The following TENM3 variants were observed in gnomAD, a reference collection of about 807,000 sequenced individuals.
TENM3 encodes the protein teneurin-3.
TENM3 carries 63 observed loss-of-function variants against 255.1 expected under a neutral mutation model. The observed-to-expected ratio is 0.25, with a 90% CI of 0.20 to 0.30. The LOEUF is 0.30. Ranked by LOEUF, TENM3 falls within the 10% of genes least tolerant of loss-of-function variation. The pLI is 1.00. For missense variants in TENM3, 2,929 were observed against 3,461.1 expected (o/e 0.85, Z 3.86); for synonymous variants, 1,306 against 1,322.3 (o/e 0.99, Z 0.27).
intron 3 of TENM3, among the ~76,000 whole-genome samples, chr4:182,441,528 C>T (rs1030566943): frequency 3.9e-5 from 6 of 152,120 alleles, no homozygotes; most frequent in Non-Finnish European, 5.9e-5. Context: ...GATGGAGTCT[C>T]GCTCTGTTGC....
At chr4:181,518,136 C>T in the TENM3 span, among the ~76,000 whole-genome samples, 1 of 152,150 alleles carries the variant, frequency 6.6e-6, no homozygotes, top group South Asian at 2.1e-4. Flanking sequence ...ATTTCTCAAG[C>T]CTCTAGGAAG....
the TENM3 span, among the ~76,000 whole-genome samples, chr4:181,850,762 A>AATTTATTT: frequency 6.6e-6 from 1 of 152,060 alleles, no homozygotes; most frequent in Admixed American, 6.6e-5. Flanking sequence ...TTGGTCTTAG[A>AATTTATTT]ATTTATTTTC....
chr4:181,482,017 T>A, the TENM3 span, among the ~76,000 whole-genome samples: 1 of 152,142 alleles, frequency 6.6e-6, no homozygotes, highest in East Asian at 1.9e-4. Flanking sequence ...ATCAGAACAA[T>A]TAGGAAGTAT....
intron 2 of TENM3, among the ~76,000 whole-genome samples, chr4:182,334,728 A>T (rs188203910): frequency 6.6e-6 from 1 of 152,350 alleles, no homozygotes; most frequent in African/African-American, 2.4e-5. Context: ...GTGCTGGCAC[A>T]ACTGGTTATC....
the TENM3 span, among the ~76,000 whole-genome samples, chr4:181,813,197 T>C: frequency 2.6e-5 from 4 of 152,168 alleles, no homozygotes; most frequent in African/African-American, 9.7e-5. Flanking sequence ...AGGGATCTCT[T>C]TGAGTTCTCT....
the TENM3 span, among the ~76,000 whole-genome samples, chr4:181,605,203 C>G: frequency 6.6e-6 from 1 of 151,644 alleles, no homozygotes; most frequent in Non-Finnish European, 1.5e-5. Flanking sequence ...TCCACCACTT[C>G]GCGAGGCCGA....
At chr4:181,626,598 C>A in the TENM3 span, among the ~76,000 whole-genome samples, 5 of 152,034 alleles carry the variant, frequency 3.3e-5, no homozygotes, top group African/African-American at 1.2e-4. Context: ...CTCTTTTAAA[C>A]AACCAGATCT....
At chr4:181,592,024 C>A in the TENM3 span, among the ~76,000 whole-genome samples, 1 of 151,816 alleles carries the variant, frequency 6.6e-6, no homozygotes, top group African/African-American at 2.4e-5. Context: ...GAAAACTAAT[C>A]TTCAGTGACA....
intron 3 of TENM3, among the ~76,000 whole-genome samples, chr4:182,429,614 A>G (rs1771478884): frequency 6.6e-6 from 1 of 152,242 alleles, no homozygotes; most frequent in Non-Finnish European, 1.5e-5. Context: ...TGCCATAACA[A>G]CTTAAATGAA....
chr4:181,718,830 C>G, the TENM3 span, among the ~76,000 whole-genome samples: 2 of 152,142 alleles, frequency 1.3e-5, no homozygotes, highest in Admixed American at 1.3e-4. Context: ...GAAACTGTAG[C>G]CCTTAGCTAT....
chr4:181,732,333 A>T, the TENM3 span, among the ~76,000 whole-genome samples: 1 of 152,196 alleles, frequency 6.6e-6, no homozygotes, highest in South Asian at 2.1e-4. Context: ...ACCCACTTCA[A>T]TACATTCTAG....
At chr4:182,000,214 C>T in the TENM3 span, among the ~76,000 whole-genome samples, 1 of 152,114 alleles carries the variant, frequency 6.6e-6, no homozygotes, top group Non-Finnish European at 1.5e-5. Context: ...TATAATCCAA[C>T]TCAGCCCTTT....
intron 3 of TENM3, among the ~76,000 whole-genome samples, chr4:182,436,527 G>A (rs1177853161): frequency 1.3e-5 from 2 of 152,172 alleles, no homozygotes; most frequent in African/African-American, 2.4e-5. Flanking sequence ...TTTGTGGAAC[G>A]CCTTATTTCA....
intron 26 of TENM3, among the ~76,000 whole-genome samples, chr4:182,795,631 T>G (rs1766447157): frequency 6.6e-6 from 1 of 152,220 alleles, no homozygotes; most frequent in Admixed American, 6.5e-5. Flanking sequence ...CTCTCCATCA[T>G]TCTGACAGGC....
chr4:182,800,081 C>T lies in TENM3; in HGVS notation c.7830C>T (p.Gly2610=), dbSNP rs747404013. The T allele has an allele frequency of 1.3e-6, 2 of 1,599,136 alleles. No homozygotes were observed. Among genetic ancestry groups the T allele is most frequent in the South Asian group, 1.1e-5 (1 of 89,264 alleles). The change falls in exon 28 of 28, where the codon GGC becomes GGT. Residue 2610 remains glycine, a synonymous_variant. Transcript: ENST00000511685. ...FGALALHVRY[G]MTLDEEKARI... ...CGCTGGCGCTGCACGTGCGCTACGGCATGACCCTGGACGAGGAGAAGGCGC... is the reference window on the plus strand; with the variant it reads ...CGCTGGCGCTGCACGTGCGCTACGGTATGACCCTGGACGAGGAGAAGGCGC...
At chr4:181,529,046 G>A in the TENM3 span, among the ~76,000 whole-genome samples, 1 of 152,166 alleles carries the variant, frequency 6.6e-6, no homozygotes. Context: ...TATCTGTGAG[G>A]AAGGCACAGT....
At chr4:181,886,318 G>T in the TENM3 span, among the ~76,000 whole-genome samples, 1 of 152,126 alleles carries the variant, frequency 6.6e-6, no homozygotes, top group South Asian at 2.1e-4. Context: ...CTCCGAAAGT[G>T]CTGGGATTAC....
At chr4:182,025,621 C>G in the TENM3 span, among the ~76,000 whole-genome samples, 22 of 152,246 alleles carry the variant, frequency 1.4e-4, no homozygotes, top group African/African-American at 5.3e-4. Context: ...AATAATTGTA[C>G]TAATTTACAT....
the TENM3 span, among the ~76,000 whole-genome samples, chr4:181,888,052 CAG>C: frequency 1.3e-5 from 2 of 151,866 alleles, no homozygotes; most frequent in African/African-American, 4.8e-5. Context: ...TTTTTTGAGA[CAG>C]AGTCTTGCTC....
Sources: gnomAD v4.1 joint callset for allele counts (sites outside exome capture counted in the v4.1 genomes callset) on GRCh38, gnomAD v4.1.1 for gene constraint, MANE v1.5 for transcripts, NCBI Gene and HGNC (gene_info 2026-07-23, HGNC 2026-07-21) for gene names.